Variants in LCP2 observed in about 807,000 individuals in gnomAD.
LCP2 encodes lymphocyte cytosolic protein 2.
In LCP2, 29 loss-of-function variants were observed where a neutral mutation model predicts 74.5. The observed-to-expected ratio is 0.39, with a 90% CI of 0.29 to 0.53. The LOEUF (loss-of-function observed/expected upper bound fraction) is 0.53, where lower values mean the gene tolerates loss of function less well. Among genes scored for constraint, LCP2 ranks in the 20% least tolerant of loss-of-function variants. The pLI is 0.72. For missense variants in LCP2, 604 were observed against 634.6 expected, an observed-to-expected ratio of 0.95 and a Z score of 0.52; for synonymous variants, 228 against 229.5, an observed-to-expected ratio of 0.99 and a Z score of 0.06.
intron 16 of LCP2, among the ~76,000 whole-genome samples, chr5:170,257,314 G>A (rs1382857001): frequency 1.3e-5 from 2 of 152,186 alleles, no homozygotes; most frequent in African/African-American, 4.8e-5. Flanking sequence ...CAGAAACTCA[G>A]GGCCAGAGGG....
At chr5:170,260,377 T>G (rs911476101) in intron 14 of LCP2, among the ~76,000 whole-genome samples, 3 of 152,118 alleles carry the variant, frequency 2.0e-5, no homozygotes, top group Non-Finnish European at 2.9e-5. Flanking sequence ...ACAGCAGGGG[T>G]CTGATGGCCT....
chr5:170,297,063 G>A (rs72835746), intron 1 of LCP2, among the ~76,000 whole-genome samples: 1 of 152,254 alleles, frequency 6.6e-6, no homozygotes, highest in Non-Finnish European at 1.5e-5. Context: ...CTAGTAAGTA[G>A]CGTTGATCTC....
chr5:170,275,487 C>A, intron 4 of LCP2, 136 bp from the exon 5 acceptor site: 1 of 994,346 alleles, frequency 1.0e-6, no homozygotes. Flanking sequence ...TGTATCCTTG[C>A]TGCTCAGCAA....
At chr5:170,287,457 G>A (rs942700410) in intron 3 of LCP2, among the ~76,000 whole-genome samples, 10 of 152,156 alleles carry the variant, frequency 6.6e-5, no homozygotes, top group African/African-American at 1.9e-4. Flanking sequence ...AGCACCTATG[G>A]CAGACATGAA....
chr5:170,272,153 C>T (rs1165377973), intron 6 of LCP2, among the ~76,000 whole-genome samples: 4 of 152,196 alleles, frequency 2.6e-5, no homozygotes, highest in Admixed American at 6.5e-5. Context: ...TTTCCTCACC[C>T]TGTCTACCCT....
At chr5:170,278,119 T>A (rs1420966487) in intron 3 of LCP2, among the ~76,000 whole-genome samples, 2 of 150,558 alleles carry the variant, frequency 1.3e-5, no homozygotes, top group Non-Finnish European at 3.0e-5. Context: ...CCTGGCCGTG[T>A]CAGGTGGTGC....
rs368124405 is a variant in LCP2 at position 170,268,462 on chromosome 5, T to C, written c.544A>G (p.Thr182Ala). 5 of 232,358 alleles carry C rather than the reference T, an allele frequency of 2.2e-5. No homozygotes were observed. Among genetic ancestry groups the C allele is most frequent in the East Asian group, 2.1e-4 (1 of 4,728 alleles). The allele number at this position is 232,358 out of a possible 1,614,324, so 14.4% of individuals were successfully genotyped here. Residue 182 changes from threonine (T) to alanine (A), a missense_variant, in exon 8 of 21, where the codon ACC (threonine) becomes GCC (alanine). Transcript: ENST00000046794. ...GGGGGCACAGGAGGCTGCTGGGGGG[T>C]TTTCCCAGAGGGGGGCCGGTCTGTG... ...MYIDRPPSGKTPQQPPVPPQR... is the reference protein window; with the variant it reads ...MYIDRPPSGKAPQQPPVPPQR...
At chr5:170,261,924 T>G (rs1761661952) in intron 13 of LCP2, among the ~76,000 whole-genome samples, 1 of 152,234 alleles carries the variant, frequency 6.6e-6, no homozygotes, top group African/African-American at 2.4e-5. Flanking sequence ...TTATTTTGAT[T>G]TTTTAAAAAC....
intron 19 of LCP2, 178 bp downstream of exon 19, chr5:170,252,256 G>T: frequency 4.8e-6 from 2 of 414,502 alleles, no homozygotes; most frequent in Non-Finnish European, 8.8e-6. Flanking sequence ...CCGAGCCTAG[G>T]AATCCCTGCT....
chr5:170,280,385 C>T (rs757703527), intron 3 of LCP2, among the ~76,000 whole-genome samples: 3 of 152,124 alleles, frequency 2.0e-5, no homozygotes, highest in Non-Finnish European at 4.4e-5. Context: ...GCTCTGCATT[C>T]CAATCCTCCT....
At chr5:170,262,293 TA>T (rs1230515037) in intron 13 of LCP2, among the ~76,000 whole-genome samples, 9 of 152,038 alleles carry the variant, frequency 5.9e-5, no homozygotes, top group African/African-American at 2.2e-4. Context: ...TATTGAAAAA[TA>T]AAATGGTGAG....
intron 7 of LCP2, 111 bp downstream of exon 7, chr5:170,270,608 G>T (rs1057116099): frequency 1.1e-6 from 1 of 919,990 alleles, no homozygotes; most frequent in Non-Finnish European, 1.6e-6. Context: ...CAGATATCGA[G>T]ACCCAGAGCT....
At position 170,279,118 on chromosome 5, in the gene LCP2, G is replaced by C. The variant is rs900449372; in HGVS notation, c.189-3258C>G. On this transcript the variant is annotated intron_variant, in intron 3 of 20. Coordinates refer to ENST00000046794, the MANE Select transcript of LCP2 (RefSeq NM_005565.5). ...AAACCCCTGGCCTCGCTCAGGACCA[G>C]AGCAAGAAGTGATGGGGGCTGGGCA... Among the ~76,000 whole-genome samples the C allele has an allele frequency of 2.0e-4, 31 of 152,284 alleles. 1 individual carries two copies. Among genetic ancestry groups the C allele is most frequent in the African/African-American group, 7.2e-4 (30 of 41,562 alleles).
intron 19 of LCP2, chr5:170,251,406 TTC>T (rs554870636): frequency 1.8e-4 from 38 of 213,664 alleles, no homozygotes; most frequent in African/African-American, 7.8e-4. Context: ...AATGCAGATG[TTC>T]TCTTTTCTTT....
At chr5:170,291,460 G>A (rs1048018778) in intron 2 of LCP2, among the ~76,000 whole-genome samples, 1 of 152,052 alleles carries the variant, frequency 6.6e-6, no homozygotes, top group African/African-American at 2.4e-5. Flanking sequence ...CTTTTCTTCT[G>A]GTTCCTATCA....
rs140331443 is a variant in LCP2 at position 170,282,081 on chromosome 5, A to C, written c.188+5889T>G. Among the ~76,000 whole-genome samples the C allele has an allele frequency of 3.5e-4, 53 of 152,242 alleles. No homozygotes were observed. In the East Asian group the frequency reaches 9.4e-3, roughly 27 times the overall value. Reference sequence around the variant, plus strand: ...TTCTTTAAAAATCCTCCACCTTTACAATGTTGCAGGTGTCTTGGGATCAAC... The same window carrying C: ...TTCTTTAAAAATCCTCCACCTTTACCATGTTGCAGGTGTCTTGGGATCAAC... On this transcript the variant is annotated intron_variant, in intron 3 of 20. Coordinates refer to ENST00000046794, the MANE Select transcript of LCP2 (RefSeq NM_005565.5).
intron 3 of LCP2, among the ~76,000 whole-genome samples, chr5:170,280,332 A>C (rs1762079022): frequency 2.8e-5 from 4 of 144,972 alleles, no homozygotes; most frequent in Admixed American, 6.9e-5. Flanking sequence ...TCTCCTCCCC[A>C]CCCCTCCTCC....
intron 15 of LCP2, 143 bp from the exon 16 acceptor site, chr5:170,258,309 T>A: frequency 1.2e-6 from 1 of 805,974 alleles, no homozygotes; most frequent in Non-Finnish European, 1.9e-6. Flanking sequence ...TAGGAAGTAG[T>A]AGGATGGAAC....
At chr5:170,280,492 G>C (rs1762081592) in intron 3 of LCP2, among the ~76,000 whole-genome samples, 1 of 152,054 alleles carries the variant, frequency 6.6e-6, no homozygotes, top group Admixed American at 6.6e-5. Flanking sequence ...TGAGAAGCCG[G>C]GGGCAGCCAG....
Sources: allele counts gnomAD v4.1 joint callset (sites outside exome capture counted in the v4.1 genomes callset), GRCh38; gene constraint gnomAD v4.1.1; transcripts MANE v1.5; gene names NCBI Gene and HGNC (gene_info 2026-07-23, HGNC 2026-07-21).